JARID2: variants seen among roughly 807,000 people sequenced by gnomAD.
JARID2 encodes the protein jumonji and AT-rich interaction domain containing 2.
JARID2 carries 21 observed loss-of-function variants against 125.6 expected under a neutral mutation model. That is an observed-to-expected ratio of 0.17 (90% confidence interval 0.12 to 0.24). The LOEUF is 0.24. Ranked by LOEUF, JARID2 falls within the 10% of genes least tolerant of loss-of-function variation. JARID2 has a pLI of 1.00. For synonymous variants in JARID2, 736 were observed against 661.6 expected, an observed-to-expected ratio of 1.11 and a Z score of -1.73; for missense variants, 1,303 against 1,639.6, an observed-to-expected ratio of 0.79 and a Z score of 3.55.
Position 15,303,674 on chromosome 6 carries a change from G to C in JARID2, c.45+57090G>C, listed in dbSNP as rs549023626. Among the ~76,000 whole-genome samples, 7 of 152,276 alleles carry C rather than the reference G, an allele frequency of 4.6e-5. No individual in the cohort carries two copies. The East Asian group carries it at 1.3e-3, about 29-fold the overall frequency. On this transcript the variant is annotated intron_variant, in intron 1 of 17. Coordinates refer to ENST00000341776, the MANE Select transcript of JARID2 (RefSeq NM_004973.4). ...TTTCAACAATGTGATTAAACAATTT[G>C]GGAATGCTTTGAATACTGACCTCCG...
intron 2 of JARID2, among the ~76,000 whole-genome samples, chr6:15,408,803 A>G (rs1384554725): frequency 1.3e-5 from 2 of 152,204 alleles, no homozygotes; most frequent in Non-Finnish European, 2.9e-5. Flanking sequence ...ACATGGCTTC[A>G]ATCTCTGAAA....
intron 2 of JARID2, among the ~76,000 whole-genome samples, chr6:15,388,947 T>C (rs1044768803): frequency 1.1e-4 from 17 of 152,158 alleles, no homozygotes; most frequent in African/African-American, 4.1e-4. Context: ...CCCTGTTTTC[T>C]TTCTGCAGTT....
rs552507398 is a variant in JARID2 at position 15,289,095 on chromosome 6, A to G, written c.45+42511A>G. ...TGATTGGGGTTGGTGAAACCCCGTTAACAGTTAATCCAACGAGGTGGCACT... is the reference window on the plus strand; with the variant it reads ...TGATTGGGGTTGGTGAAACCCCGTTGACAGTTAATCCAACGAGGTGGCACT... On this transcript the variant is annotated intron_variant, in intron 1 of 17. Transcript: ENST00000341776. Among the ~76,000 whole-genome samples, 3 of 152,302 alleles carry G rather than the reference A, an allele frequency of 2.0e-5. No homozygotes were observed. In the South Asian group the frequency reaches 6.2e-4, roughly 32 times the overall value.
intron 3 of JARID2, among the ~76,000 whole-genome samples, chr6:15,412,578 T>A (rs189981750): frequency 6.6e-6 from 1 of 152,286 alleles, no homozygotes; most frequent in East Asian, 1.9e-4. Flanking sequence ...GCTGGGGTTA[T>A]AGGCGTGAGT....
In JARID2 at chr6:15,282,892, C is replaced by T. The variant is rs556228865; in HGVS notation, c.45+36308C>T. On this transcript the variant is annotated intron_variant, in intron 1 of 17. Transcript: ENST00000341776. ...CTGGGATTACAGGCGTGAGCCACCC[C>T]GCCCGGTCTGATTGTTGGTCTTTTT... is the stretch of plus-strand genomic sequence containing the variant. Among the ~76,000 whole-genome samples, 79 of 151,834 alleles carry T rather than the reference C, an allele frequency of 5.2e-4. 1 individual carries two copies. The highest frequency in any genetic ancestry group is 6.6e-4 in the Admixed American group (10 of 15,250).
chr6:15,277,638 T>C lies in JARID2; in HGVS notation c.45+31054T>C, dbSNP rs552873898. On this transcript the variant is annotated intron_variant, in intron 1 of 17. Transcript: ENST00000341776. ...TTTTAAGGTACCTGTTGAAAATGAC[T>C]AAACGTAAAATGGGACTTTTGTTAA... 2.1e-3 allele frequency among the ~76,000 whole-genome samples: 314 copies of C among 152,322 alleles called. 1 individual carries two copies. Among genetic ancestry groups the C allele is most frequent in the African/African-American group, 7.0e-3 (289 of 41,572 alleles).
intron 3 of JARID2, among the ~76,000 whole-genome samples, chr6:15,413,008 G>GTTTGTTTTTT (rs1765958572): frequency 2.1e-5 from 1 of 47,474 alleles, no homozygotes; most frequent in East Asian, 5.4e-4. Flanking sequence ...TTGTGTTTTT[G>GTTTGTTTTTT]TTTTTTTTTT....
intron 4 of JARID2, among the ~76,000 whole-genome samples, chr6:15,466,369 C>G (rs1768739715): frequency 6.6e-6 from 1 of 152,184 alleles, no homozygotes; most frequent in African/African-American, 2.4e-5. Flanking sequence ...GTCATTGCCT[C>G]CAAGATACAG....
chr6:15,415,759 T>C (rs1201754646), intron 3 of JARID2, among the ~76,000 whole-genome samples: 2 of 125,804 alleles, frequency 1.6e-5, no homozygotes, highest in Non-Finnish European at 3.3e-5. Flanking sequence ...CGCTTCCCAG[T>C]AGGGGCGGCC....
intron 1 of JARID2, among the ~76,000 whole-genome samples, chr6:15,332,935 C>CTTTTTTTTTTTTTTTTTTTTTT (rs33921682): frequency 4.7e-5 from 2 of 42,170 alleles, no homozygotes; most frequent in Non-Finnish European, 9.5e-5. Context: ...CTTTTCTTTT[C>CTTTTTTTTTTTTTTTTTTTTTT]TTTTTTTTTT....
chr6:15,283,078 T>C (rs370412939), intron 1 of JARID2, among the ~76,000 whole-genome samples: 68 of 150,930 alleles, frequency 4.5e-4, no homozygotes, highest in African/African-American at 1.5e-3. Context: ...TCCCGGGTTC[T>C]TGCCATTCTC....
At chr6:15,429,920 G>C (rs754526706) in intron 3 of JARID2, among the ~76,000 whole-genome samples, 13 of 152,158 alleles carry the variant, frequency 8.5e-5, no homozygotes, top group Non-Finnish European at 1.8e-4. Context: ...TAATAAGGAA[G>C]TGTGTATTTC....
intron 2 of JARID2, among the ~76,000 whole-genome samples, chr6:15,376,514 G>A (rs943571372): frequency 8.5e-5 from 13 of 152,084 alleles, no homozygotes; most frequent in African/African-American, 2.9e-4. Context: ...CCAGGAGTTC[G>A]AGACCAGCTT....
chr6:15,416,057 G>A (rs377483606), intron 3 of JARID2, among the ~76,000 whole-genome samples: 3 of 149,916 alleles, frequency 2.0e-5, no homozygotes, highest in Admixed American at 6.6e-5. Flanking sequence ...ACGGGGCGGC[G>A]GGGCAGAGGC....
chr6:15,373,528 C>T (rs1244222565), intron 1 of JARID2, among the ~76,000 whole-genome samples: 1 of 152,202 alleles, frequency 6.6e-6, no homozygotes, highest in Non-Finnish European at 1.5e-5. Context: ...CCGCCAAGAT[C>T]AGTTGCCTCC....
In JARID2 at chr6:15,521,259, G is replaced by A. The variant is rs1443397508; in HGVS notation, c.*1008G>A. On this transcript the variant is annotated 3_prime_UTR_variant, in exon 18 of 18. Coordinates refer to ENST00000341776, the MANE Select transcript of JARID2 (RefSeq NM_004973.4). ...TGATCATGTAGAGAGCCACTAGGAG[G>A]CCTGCAGTTATTTTTGAATGTGAAA... is the stretch of plus-strand genomic sequence containing the variant. The A allele has an allele frequency of 6.6e-6, 1 of 152,058 alleles. No individual in the cohort carries two copies. Among genetic ancestry groups the A allele is most frequent in the African/African-American group, 2.4e-5 (1 of 41,324 alleles). The allele number at this position is 152,058 out of a possible 1,614,324, so 9.4% of individuals were successfully genotyped here. A position where few individuals can be genotyped will look rare whatever the true frequency, so the allele number is the denominator to read the frequency against.
chr6:15,351,920 G>A (rs553974176), intron 1 of JARID2, among the ~76,000 whole-genome samples: 4 of 152,220 alleles, frequency 2.6e-5, no homozygotes, highest in Non-Finnish European at 5.9e-5. Flanking sequence ...AACTAGTGTT[G>A]ACTTGGCTTG....
intron 1 of JARID2, among the ~76,000 whole-genome samples, chr6:15,268,119 C>T (rs1397296426): frequency 6.6e-6 from 1 of 152,110 alleles, no homozygotes; most frequent in Non-Finnish European, 1.5e-5. Context: ...AGACCAAACC[C>T]CATCACTTAA....
chr6:15,425,447 C>A (rs760070475), intron 3 of JARID2, among the ~76,000 whole-genome samples: 17 of 152,096 alleles, frequency 1.1e-4, no homozygotes, highest in Non-Finnish European at 2.1e-4. Context: ...TATGAATGTG[C>A]CCCCCAAATT....
Sources: gnomAD v4.1 joint callset for allele counts (sites outside exome capture counted in the v4.1 genomes callset) on GRCh38, gnomAD v4.1.1 for gene constraint, MANE v1.5 for transcripts, NCBI Gene and HGNC (gene_info 2026-07-23, HGNC 2026-07-21) for gene names.